SELENOP: variants seen among roughly 807,000 people sequenced by gnomAD.
SELENOP encodes the protein selenoprotein P, also known as selenoprotein P, plasma, 1.
Under a neutral mutation model 41.0 loss-of-function variants are expected in SELENOP, and 36 were observed. That is an observed-to-expected ratio of 0.88 (90% CI 0.67 to 1.16). The LOEUF (loss-of-function observed/expected upper bound fraction) is 1.16. Among genes scored for constraint, SELENOP ranks in the 50% most tolerant of loss-of-function variants. The probability of loss-of-function intolerance (pLI) is 0.00; values close to 1 mark genes in which losing one functional copy is unlikely to be tolerated. For missense variants in SELENOP, 440 were observed against 454.2 expected (o/e 0.97, Z 0.28); for synonymous variants, 144 against 150.8 (o/e 0.95, Z 0.33).
At chr5:42,807,476 T>C (rs1760358640) in intron 2 of SELENOP, 1 of 163,280 alleles carries the variant, frequency 6.1e-6, no homozygotes, top group Non-Finnish European at 1.4e-5. Flanking sequence ...AGACTTTTTT[T>C]CTTGTCATTC....
rs558470836 is a variant in SELENOP, at chr5:42,803,482, GAGTA to G, written c.534+1170_534+1173del. Among the ~76,000 whole-genome samples the G allele has an allele frequency of 4.7e-3, 720 of 152,168 alleles. 7 individuals are homozygous for G. The highest frequency in any genetic ancestry group is 0.016 in the African/African-American group (676 of 41,496). On this transcript the variant is annotated intron_variant, in intron 4 of 4. Coordinates refer to ENST00000514985, the MANE Select transcript of SELENOP (RefSeq NM_005410.4). The stretch of plus-strand genomic sequence containing the variant: ...TTAAAATGTGAAAATTACATAACTA[GAGTA>G]AGTAACTTATACTCCTTAACAACTA...
intron 4 of SELENOP, among the ~76,000 whole-genome samples, chr5:42,802,673 C>T (rs757189227): frequency 7.2e-5 from 11 of 152,176 alleles, no homozygotes; most frequent in Non-Finnish European, 1.2e-4. Context: ...TGCAGTGGCA[C>T]GACCTCGACT....
chr5:42,811,774 C>T (rs542719360), intron 1 of SELENOP, 62 bp downstream of exon 1: 23 of 152,250 alleles, frequency 1.5e-4, no homozygotes, highest in African/African-American at 5.3e-4. Flanking sequence ...TTATCAGACT[C>T]AAAAAATATT....
intron 1 of SELENOP, chr5:42,810,784 T>C: frequency 9.2e-7 from 1 of 1,081,634 alleles, no homozygotes; most frequent in Non-Finnish European, 1.2e-6. Flanking sequence ...AGTAGCTGAA[T>C]GGTGAATACA....
rs1183623828 is a variant in SELENOP at position 42,811,857 on chromosome 5, G to C, written c.-35C>G. The C allele has an allele frequency of 6.6e-6, 1 of 152,158 alleles. No individual in the cohort carries two copies. Among genetic ancestry groups the C allele is most frequent in the Non-Finnish European group, 1.5e-5 (1 of 68,030 alleles). The allele number at this position is 152,158 out of a possible 1,614,324, so 9.4% of individuals were successfully genotyped here. A position where few individuals can be genotyped will look rare whatever the true frequency, so the allele number is the denominator to read the frequency against. ...TTACACAACCACTTCCAACGGGCCT[G>C]CTTCCTTTCTCTTTGCTTTACTCTG... On this transcript the variant is annotated 5_prime_UTR_variant, in exon 1 of 5. Coordinates refer to ENST00000514985, the MANE Select transcript of SELENOP (RefSeq NM_005410.4).
At chr5:42,809,292 G>A (rs1388560177) in intron 1 of SELENOP, among the ~76,000 whole-genome samples, 3 of 152,064 alleles carry the variant, frequency 2.0e-5, no homozygotes, top group Admixed American at 1.3e-4. Context: ...CACTTTCTTT[G>A]GTAAAAAGAT....
chr5:42,808,277 G>A lies in SELENOP; in HGVS notation c.77C>T (p.Ser26Phe), dbSNP rs746507164. The change falls in exon 2 of 5, where the codon TCC (serine) becomes TTC (phenylalanine). Residue 26 changes from serine to phenylalanine, a missense_variant. Physicochemically the swap from Ser to Phe is radical, Grantham distance 155. Coordinates refer to ENST00000514985, the MANE Select transcript of SELENOP (RefSeq NM_005410.4). ...SGGTESQDQS[S>F]LCKQPPAWSI... ...CCAGGCTGGGGGTTGCTTACATAAG[G>A]AGCTTTGGTCCTGGCTCTCTGTTCC... The A allele has an allele frequency of 6.4e-7, 1 of 1,570,022 alleles. No homozygotes were observed. The highest frequency in any genetic ancestry group is 1.2e-5 in the South Asian group (1 of 84,426).
At chr5:42,810,201 C>T (rs910789370) in intron 1 of SELENOP, among the ~76,000 whole-genome samples, 12 of 152,182 alleles carry the variant, frequency 7.9e-5, no homozygotes, top group African/African-American at 2.4e-4. Context: ...AAATCCTAAG[C>T]TACATCTTAG....
intron 1 of SELENOP, 27 bp downstream of exon 1, chr5:42,811,809 A>G (rs561084185): frequency 1.3e-5 from 2 of 152,378 alleles, no homozygotes; most frequent in East Asian, 3.9e-4. Flanking sequence ...AGAATAAAGT[A>G]TCAGAAAACA....
chr5:42,799,981 GT>G lies in SELENOP; in HGVS notation c.*738del. ...TAGTATTAACCATAAAGGAGGTCAG[GT>G]TTATAGGGTTTGGTTTACCTATTAA... is the stretch of plus-strand genomic sequence containing the variant. On this transcript the variant is annotated 3_prime_UTR_variant, in exon 5 of 5. Coordinates refer to ENST00000514985, the MANE Select transcript of SELENOP (RefSeq NM_005410.4). The G allele has an allele frequency of 1.8e-6, 1 of 561,858 alleles. No individual in the cohort carries two copies. Among genetic ancestry groups the G allele is most frequent in the Non-Finnish European group, 3.0e-6 (1 of 333,420 alleles). The allele number at this position is 561,858 out of a possible 1,614,324, so 34.8% of individuals were successfully genotyped here.
chr5:42,808,299 T>TC lies in SELENOP; in HGVS notation c.54_55insG (p.Thr19AspfsTer11), dbSNP rs745867439. On this transcript the variant is annotated frameshift_variant, in exon 2 of 5. Transcript: ENST00000514985. LOFTEE classifies it high-confidence loss of function. ...AAGGAGCTTTGGTCCTGGCTCTCTG[T>TC]TCCTCCCGATGGGAGGAGACAGAGA... 453 of 1,531,800 alleles carry TC rather than the reference T, an allele frequency of 3.0e-4. No individual in the cohort carries two copies. Among genetic ancestry groups the TC allele is most frequent in the Admixed American group, 4.8e-4 (23 of 48,244 alleles). 94.9% of individuals were successfully genotyped at this position (1,531,800 alleles called of 1,614,324 possible). A position where few individuals can be genotyped will look rare whatever the true frequency, so the allele number is the denominator to read the frequency against.
chr5:42,809,250 C>G (rs1010443536), intron 1 of SELENOP, among the ~76,000 whole-genome samples: 1 of 152,144 alleles, frequency 6.6e-6, no homozygotes, highest in Admixed American at 6.6e-5. Context: ...TTGGAAAGTT[C>G]CTATGACTAG....
chr5:42,804,055 A>T (rs764097484), intron 4 of SELENOP, among the ~76,000 whole-genome samples: 4 of 152,344 alleles, frequency 2.6e-5, no homozygotes, highest in Admixed American at 6.5e-5. Flanking sequence ...TTTTTTGAGC[A>T]CTTATGCCCA....
intron 4 of SELENOP, among the ~76,000 whole-genome samples, chr5:42,803,067 C>T (rs1760249066): frequency 6.6e-6 from 1 of 151,800 alleles, no homozygotes; most frequent in Admixed American, 6.6e-5. Context: ...TTCCTAAATA[C>T]TACATAAGAT....
chr5:42,802,886 G>C (rs1257017182), intron 4 of SELENOP, among the ~76,000 whole-genome samples: 2 of 152,228 alleles, frequency 1.3e-5, no homozygotes, highest in Non-Finnish European at 2.9e-5. Flanking sequence ...TGGGATTACA[G>C]GCGTGGGCCA....
In SELENOP at chr5:42,800,971, TC is replaced by T; in HGVS notation, c.894del (p.Ser299AlafsTer?). The T allele has an allele frequency of 1.2e-6, 2 of 1,614,220 alleles. No individual in the cohort carries two copies. Among genetic ancestry groups the T allele is most frequent in the Non-Finnish European group, 1.7e-6 (2 of 1,180,036 alleles). On this transcript the variant is annotated frameshift_variant, in exon 5 of 5. Transcript: ENST00000514985. LOFTEE classifies it high-confidence loss of function. ...AGATGTCGACAATGGCAGCATCAGCTCCTAGGAGCCAACTCTGAATCTGTGG... is the reference window on the plus strand; with the variant it reads ...AGATGTCGACAATGGCAGCATCAGCTCTAGGAGCCAACTCTGAATCTGTGG... ...KLPTDSELAPRSUCCHCRHLI... is the reference protein window; with the variant it reads ...KLPTDSELAPXSUCCHCRHLI...
chr5:42,805,758 T>G (rs1176852857), intron 3 of SELENOP: 1 of 152,194 alleles, frequency 6.6e-6, no homozygotes, highest in Admixed American at 6.5e-5. Context: ...TTCTTTTTAT[T>G]TAACCGAAAT....
chr5:42,808,674 C>T (rs1420683788), intron 1 of SELENOP, among the ~76,000 whole-genome samples: 5 of 151,114 alleles, frequency 3.3e-5, no homozygotes, highest in Non-Finnish European at 7.4e-5. Context: ...TTTGGGAGGC[C>T]GAGGCTGGCA....
At chr5:42,807,193 A>G (rs905827064) in intron 2 of SELENOP, 85 bp from the exon 3 acceptor site, 4 of 662,764 alleles carry the variant, frequency 6.0e-6, no homozygotes, top group African/African-American at 1.8e-5. Flanking sequence ...TTAATTTTCT[A>G]TGTGAAACTC....
Sources: allele counts gnomAD v4.1 joint callset (sites outside exome capture counted in the v4.1 genomes callset), GRCh38; gene constraint gnomAD v4.1.1; transcripts MANE v1.5; gene names NCBI Gene and HGNC (gene_info 2026-07-23, HGNC 2026-07-21).